The following DST variants were observed in gnomAD, a reference collection of about 807,000 sequenced individuals.
DST encodes the protein bullous pemphigoid antigen.
DST carries 253 observed loss-of-function variants against 875.2 expected under a neutral mutation model. The ratio of observed to expected loss-of-function variants is 0.29; its 90% confidence interval spans 0.26 to 0.32. The LOEUF is 0.32. Ranked by LOEUF, DST falls within the 10% of genes least tolerant of loss-of-function variation. DST has a pLI of 1.00. For missense variants in DST, 8,287 were observed against 9,111.6 expected (o/e 0.91, Z 3.68); for synonymous variants, 3,124 against 3,197.1 (o/e 0.98, Z 0.77).
At chr6:56,805,458 T>G (rs1470169837) in intron 4 of DST, among the ~76,000 whole-genome samples, 4 of 152,038 alleles carry the variant, frequency 2.6e-5, no homozygotes, top group Middle Eastern at 6.8e-3. Context: ...AGCTCTTAAG[T>G]AAAAACGAAC....
chr6:56,646,770 A>G (rs1286998151), intron 13 of DST, among the ~76,000 whole-genome samples: 1 of 152,212 alleles, frequency 6.6e-6, no homozygotes, highest in Non-Finnish European at 1.5e-5. Flanking sequence ...TTAAGTTACT[A>G]TCTAGTTTGT....
intron 75 of DST, 103 bp from the exon 76 acceptor site, chr6:56,506,892 T>A (rs2096333695): frequency 8.0e-7 from 1 of 1,244,154 alleles, no homozygotes; most frequent in Admixed American, 2.8e-5. Context: ...GAAGGTGGCA[T>A]TCTAATCATT....
chr6:56,586,096 C>T (rs370628824), intron 49 of DST, among the ~76,000 whole-genome samples: 5 of 152,176 alleles, frequency 3.3e-5, no homozygotes, highest in East Asian at 3.9e-4. Context: ...GAGAGTTCTG[C>T]AGATGTCTAT....
chr6:56,489,733 C>A, intron 85 of DST, 124 bp from the exon 86 acceptor site: 1 of 943,642 alleles, frequency 1.1e-6, no homozygotes, highest in Admixed American at 3.4e-5. Context: ...TCAAAATTTC[C>A]ACTGAAGAAG....
chr6:56,645,782 A>G, intron 15 of DST, 84 bp downstream of exon 15: 1 of 1,497,468 alleles, frequency 6.7e-7, no homozygotes, highest in Non-Finnish European at 9.1e-7. Flanking sequence ...CCAAGTAAAC[A>G]GAGGTTTAAC....
At chr6:56,883,844 C>T (rs907967846) in intron 3 of DST, among the ~76,000 whole-genome samples, 2 of 151,772 alleles carry the variant, frequency 1.3e-5, no homozygotes, top group Non-Finnish European at 2.9e-5. Flanking sequence ...GTATGCATCT[C>T]TAAAAGATAA....
At chr6:56,697,219 C>T (rs1272660763) in intron 9 of DST, among the ~76,000 whole-genome samples, 1 of 152,056 alleles carries the variant, frequency 6.6e-6, no homozygotes. Flanking sequence ...CCCTCTATGC[C>T]CTGTGTCCAA....
chr6:56,726,614 T>C (rs781156610), intron 5 of DST, among the ~76,000 whole-genome samples: 11 of 152,338 alleles, frequency 7.2e-5, no homozygotes, highest in Admixed American at 6.5e-4. Flanking sequence ...GGTCAACCTG[T>C]TGGACTTGGG....
intron 22 of DST, among the ~76,000 whole-genome samples, chr6:56,637,788 A>C (rs1161461737): frequency 6.6e-6 from 1 of 152,034 alleles, no homozygotes; most frequent in Non-Finnish European, 1.5e-5. Flanking sequence ...TGCTTTAATG[A>C]CTATTTTAAG....
intron 8 of DST, among the ~76,000 whole-genome samples, chr6:56,700,559 C>T (rs543146990): frequency 9.9e-5 from 15 of 152,214 alleles, no homozygotes; most frequent in Non-Finnish European, 1.5e-4. Context: ...ATATAAGTCA[C>T]TGGGCATTTG....
chr6:56,879,463 T>G (rs573810694), intron 3 of DST, among the ~76,000 whole-genome samples: 117 of 146,582 alleles, frequency 8.0e-4, no homozygotes, highest in Admixed American at 3.6e-3. Flanking sequence ...AGAGCGAGAC[T>G]TCGTCTCGGA....
chr6:56,689,370 C>A lies in DST; in HGVS notation c.1047+10283G>T, dbSNP rs2099211927. ...ATCTTCTGCCTGCCAGGCCCGTAGT[C>A]CACATTGCTTATCAGAAAACCTACA... is the stretch of plus-strand genomic sequence containing the variant. On this transcript the variant is annotated intron_variant, in intron 9 of 103. Transcript: ENST00000680361. 2.6e-5 allele frequency among the ~76,000 whole-genome samples: 4 copies of A among 152,154 alleles called. No homozygotes were observed. The South Asian group carries it at 8.3e-4, about 32-fold the overall frequency.
At chr6:56,560,524 A>G in intron 57 of DST, 101 bp from the exon 58 acceptor site, 1 of 1,274,926 alleles carries the variant, frequency 7.8e-7, no homozygotes, top group Non-Finnish European at 1.1e-6. Flanking sequence ...AAAGAGGAAA[A>G]AATCTACTGT....
At chr6:56,776,564 T>C (rs1240240019) in intron 4 of DST, among the ~76,000 whole-genome samples, 1 of 152,190 alleles carries the variant, frequency 6.6e-6, no homozygotes, top group African/African-American at 2.4e-5. Flanking sequence ...TGCCAAGATC[T>C]AAAATCTATC....
intron 4 of DST, among the ~76,000 whole-genome samples, chr6:56,756,797 T>TGACTAGATCAGCCATAAAAGAC (rs1240913974): frequency 3.3e-5 from 5 of 152,208 alleles, no homozygotes; most frequent in African/African-American, 1.2e-4. Context: ...CTCATAAAGA[T>TGACTAGATCAGCCATAAAAGAC]GACTAGATCA....
At chr6:56,946,942 T>C (rs567084899) in intron 2 of DST, among the ~76,000 whole-genome samples, 1 of 152,330 alleles carries the variant, frequency 6.6e-6, no homozygotes, top group Admixed American at 6.5e-5. Context: ...TGCAAATTTA[T>C]TATACTTCAT....
At chr6:56,944,122 A>C (rs1818190371) in intron 2 of DST, among the ~76,000 whole-genome samples, 1 of 152,180 alleles carries the variant, frequency 6.6e-6, no homozygotes, top group Admixed American at 6.5e-5. Context: ...GTCTCAAATA[A>C]ATAAATAAAA....
At chr6:56,656,012 AG>A (rs1041576318) in intron 10 of DST, among the ~76,000 whole-genome samples, 4 of 152,260 alleles carry the variant, frequency 2.6e-5, no homozygotes, top group African/African-American at 9.6e-5. Flanking sequence ...TAAATAATAA[AG>A]AAAAACATGA....
chr6:56,544,689 T>C (rs556970324), intron 61 of DST, among the ~76,000 whole-genome samples: 3,900 of 151,134 alleles, frequency 0.026, 76 homozygotes, highest in Non-Finnish European at 0.043. Flanking sequence ...AAATATTCCC[T>C]AGTTAATTGA....
Sources: gnomAD v4.1 joint callset for allele counts (sites outside exome capture counted in the v4.1 genomes callset) on GRCh38, gnomAD v4.1.1 for gene constraint, MANE v1.5 for transcripts, NCBI Gene and HGNC (gene_info 2026-07-23, HGNC 2026-07-21) for gene names.